Variants in FUBP3 observed in about 807,000 individuals in gnomAD.
FUBP3 encodes far upstream element binding protein 3.
FUBP3 carries 28 observed loss-of-function variants against 85.6 expected under a neutral mutation model. The observed-to-expected ratio is 0.33, with a 90% confidence interval of 0.24 to 0.45. FUBP3 has a LOEUF of 0.45. Ranked by LOEUF, FUBP3 falls within the 20% of genes least tolerant of loss-of-function variation. The pLI is 1.00. For missense variants in FUBP3, 583 were observed against 755.1 expected (o/e 0.77, Z 2.67); for synonymous variants, 271 against 271.4 (o/e 1.00, Z 0.01).
intron 2 of FUBP3, among the ~76,000 whole-genome samples, chr9:130,601,186 T>G (rs1474279819): frequency 1.3e-5 from 2 of 152,186 alleles, no homozygotes; most frequent in African/African-American, 2.4e-5. Context: ...TTTCTTCATC[T>G]TTAGTTAGGG....
Position 130,625,782 on chromosome 9 carries a change from A to G in FUBP3, c.976-582A>G, listed in dbSNP as rs111526182. 5.3e-3 allele frequency among the ~76,000 whole-genome samples: 804 copies of G among 152,248 alleles called. 8 individuals carry two copies. Among genetic ancestry groups the G allele is most frequent in the African/African-American group, 0.019 (769 of 41,542 alleles). On this transcript the variant is annotated intron_variant, in intron 11 of 18. Transcript: ENST00000319725. The stretch of plus-strand genomic sequence containing the variant: ...TCCCTCTGTTCCTCCCTTCTGAAGT[A>G]TCCCTGAATGGTCACTCTTGAACCT...
Position 130,637,300 on chromosome 9 carries a change from TC to T in FUBP3, c.*279del. On this transcript the variant is annotated 3_prime_UTR_variant, in exon 19 of 19. Coordinates refer to ENST00000319725, the MANE Select transcript of FUBP3 (RefSeq NM_003934.2). ...ACAAAGTCAGGCACCAGAATGTGCC[TC>T]AGAGCTGTGACATTTCAACATGATG... The T allele has an allele frequency of 2.2e-6, 1 of 459,876 alleles. No homozygotes were observed. Among genetic ancestry groups the T allele is most frequent in the Non-Finnish European group, 4.0e-6 (1 of 252,920 alleles). The allele number at this position is 459,876 out of a possible 1,614,324, so 28.5% of individuals were successfully genotyped here.
At chr9:130,609,282 T>C (rs890585536) in intron 2 of FUBP3, among the ~76,000 whole-genome samples, 3 of 152,178 alleles carry the variant, frequency 2.0e-5, no homozygotes, top group African/African-American at 7.2e-5. Context: ...GTTTTAATAA[T>C]AAGAGGCTGT....
At chr9:130,582,359 A>G (rs1830164215) in intron 1 of FUBP3, among the ~76,000 whole-genome samples, 2 of 152,034 alleles carry the variant, frequency 1.3e-5, no homozygotes, top group South Asian at 2.1e-4. Flanking sequence ...GGCTGAAGCA[A>G]GAGGCTAGCT....
chr9:130,632,188 C>G lies in FUBP3; in HGVS notation c.1434-14C>G, dbSNP rs1477555719. On this transcript the variant is annotated splice_polypyrimidine_tract_variant and intron_variant, in intron 15 of 18. Coordinates refer to ENST00000319725, the MANE Select transcript of FUBP3 (RefSeq NM_003934.2). ...GCCCCCTATAGGAACGAGTGACCCT[C>G]TTGTTATCCACAGTGGTCCTCCGGC... 2 of 1,610,848 alleles carry G rather than the reference C, an allele frequency of 1.2e-6. No homozygotes were observed. Among genetic ancestry groups the G allele is most frequent in the African/African-American group, 1.3e-5 (1 of 74,866 alleles).
intron 12 of FUBP3, among the ~76,000 whole-genome samples, chr9:130,630,402 T>C (rs1830164018): frequency 6.6e-6 from 1 of 152,234 alleles, no homozygotes; most frequent in African/African-American, 2.4e-5. Context: ...AGCTTGGCCT[T>C]GAGAGAAAGT....
intron 1 of FUBP3, among the ~76,000 whole-genome samples, chr9:130,585,961 G>T (rs1830320617): frequency 6.6e-6 from 1 of 152,150 alleles, no homozygotes; most frequent in Non-Finnish European, 1.5e-5. Flanking sequence ...AATTGAAAAT[G>T]TTCTGCATTT....
chr9:130,602,105 C>A (rs1831187245), intron 2 of FUBP3, among the ~76,000 whole-genome samples: 2 of 152,000 alleles, frequency 1.3e-5, no homozygotes, highest in South Asian at 4.1e-4. Flanking sequence ...CAGCCAATTC[C>A]TAATTTTTAA....
intron 18 of FUBP3, among the ~76,000 whole-genome samples, chr9:130,636,647 G>A (rs1483491311): frequency 6.6e-6 from 1 of 152,360 alleles, no homozygotes; most frequent in Non-Finnish European, 1.5e-5. Flanking sequence ...TATTAAAGAA[G>A]GGAAGACGTC....
intron 1 of FUBP3, among the ~76,000 whole-genome samples, chr9:130,589,705 A>ATATAT (rs1414691549): frequency 6.8e-5 from 5 of 73,824 alleles, no homozygotes; most frequent in Admixed American, 3.3e-4. Context: ...ATATATATAT[A>ATATAT]TTTTTTTTTT....
chr9:130,592,291 C>T (rs1471951431), intron 1 of FUBP3, among the ~76,000 whole-genome samples: 1 of 152,120 alleles, frequency 6.6e-6, no homozygotes, highest in Non-Finnish European at 1.5e-5. Context: ...TAAAGGGAAC[C>T]GGGATAATTT....
intron 12 of FUBP3, among the ~76,000 whole-genome samples, chr9:130,628,480 G>C (rs1042351744): frequency 1.8e-4 from 28 of 152,358 alleles, no homozygotes; most frequent in African/African-American, 6.7e-4. Flanking sequence ...CCAAGCTAGT[G>C]ACCTCATTTT....
chr9:130,625,478 A>G (rs1270779377), intron 11 of FUBP3, among the ~76,000 whole-genome samples: 1 of 152,236 alleles, frequency 6.6e-6, no homozygotes, highest in East Asian at 1.9e-4. Context: ...GGTTTTGCCC[A>G]ACATTTCTTC....
chr9:130,610,935 C>T (rs937862163), intron 3 of FUBP3, among the ~76,000 whole-genome samples: 6 of 152,110 alleles, frequency 3.9e-5, no homozygotes, highest in African/African-American at 1.4e-4. Context: ...TGCTGACTTT[C>T]CTATAAAGCC....
chr9:130,579,800 C>T (rs1355104409), intron 1 of FUBP3, 36 bp downstream of exon 1: 1 of 1,216,334 alleles, frequency 8.2e-7, no homozygotes, highest in Non-Finnish European at 1.0e-6. Context: ...GCACGAGATC[C>T]CGAGGCGGGG....
chr9:130,579,973 C>T (rs1204786619), intron 1 of FUBP3, among the ~76,000 whole-genome samples: 1 of 152,214 alleles, frequency 6.6e-6, no homozygotes, highest in Non-Finnish European at 1.5e-5. Flanking sequence ...GGCGGGTCTC[C>T]CAGGTGCCTG....
intron 13 of FUBP3, 189 bp from the exon 14 acceptor site, chr9:130,631,368 G>T: frequency 1.4e-6 from 2 of 1,399,442 alleles, no homozygotes; most frequent in Non-Finnish European, 1.9e-6. Flanking sequence ...GGTATTGGTC[G>T]CTGGAGGGCA....
chr9:130,594,789 T>C (rs1197212698), intron 1 of FUBP3, among the ~76,000 whole-genome samples: 1 of 151,874 alleles, frequency 6.6e-6, no homozygotes, highest in Non-Finnish European at 1.5e-5. Flanking sequence ...CTTTCAAATA[T>C]TCTTGGGGAA....
At chr9:130,627,288 C>T (rs553364420) in intron 12 of FUBP3, among the ~76,000 whole-genome samples, 3 of 152,346 alleles carry the variant, frequency 2.0e-5, no homozygotes, top group South Asian at 4.1e-4. Flanking sequence ...TCGCTGCCAG[C>T]GGGGGACTCC....
Sources: allele counts gnomAD v4.1 joint callset (sites outside exome capture counted in the v4.1 genomes callset), GRCh38; gene constraint gnomAD v4.1.1; transcripts MANE v1.5; gene names NCBI Gene and HGNC (gene_info 2026-07-23, HGNC 2026-07-21).